PVT1: variants seen among roughly 807,000 people sequenced by gnomAD.
PVT1 encodes the protein Pvt1 oncogene.
rs532921322 is a variant in PVT1, at chr8:127,867,862, T to C, written n.373-22727T>C. On this transcript the variant is annotated intron_variant and non_coding_transcript_variant, in intron 2 of 10. Transcript: ENST00000651587. ...CCTCTGCCCCCTAATAAAATCACTG[T>C]TGCTGCCTCCTGCTGAATCTGAAGT... Among the ~76,000 whole-genome samples the C allele has an allele frequency of 4.2e-4, 64 of 152,268 alleles. 1 individual carries two copies. The South Asian group carries it at 7.1e-3, about 17-fold the overall frequency.
chr8:127,978,630 C>G (rs1014067782), intron 3 of PVT1, among the ~76,000 whole-genome samples: 2 of 151,898 alleles, frequency 1.3e-5, no homozygotes, highest in Non-Finnish European at 2.9e-5. Flanking sequence ...ATTACAGGCA[C>G]GTGCCACCAC....
chr8:127,978,523 C>T (rs1816847837), intron 3 of PVT1, among the ~76,000 whole-genome samples: 1 of 151,874 alleles, frequency 6.6e-6, no homozygotes, highest in South Asian at 2.1e-4. Flanking sequence ...CTCTGTTGCC[C>T]AGGCTGGAGT....
chr8:127,895,225 C>T (rs1815660494), intron 3 of PVT1, among the ~76,000 whole-genome samples: 1 of 152,210 alleles, frequency 6.6e-6, no homozygotes, highest in Admixed American at 6.5e-5. Context: ...AATCCCAGCA[C>T]TTTGGGAGGC....
intron 2 of PVT1, among the ~76,000 whole-genome samples, chr8:127,857,828 C>T (rs901641934): frequency 7.2e-5 from 11 of 152,172 alleles, no homozygotes; most frequent in African/African-American, 1.2e-4. Flanking sequence ...AAATATTGGT[C>T]GAATGAATGA....
At chr8:128,005,604 C>T (rs114179654) in intron 4 of PVT1, among the ~76,000 whole-genome samples, 1,705 of 152,248 alleles carry the variant, frequency 0.011, 26 homozygotes, top group African/African-American at 0.039. Context: ...CCTCTGCATC[C>T]GGATGCATCC....
intron 3 of PVT1, among the ~76,000 whole-genome samples, chr8:127,930,417 C>T (rs1816191626): frequency 6.6e-6 from 1 of 152,162 alleles, no homozygotes. Flanking sequence ...CCTCGGCCTC[C>T]CAAAGTGCTG....
chr8:127,949,622 G>A (rs1280927967), intron 3 of PVT1, among the ~76,000 whole-genome samples: 3 of 151,840 alleles, frequency 2.0e-5, no homozygotes, highest in Middle Eastern at 3.4e-3. Context: ...CAGACCTGCC[G>A]TGCTATACTA....
At chr8:127,969,267 A>G (rs1277871734) in intron 3 of PVT1, among the ~76,000 whole-genome samples, 1 of 152,092 alleles carries the variant, frequency 6.6e-6, no homozygotes, top group East Asian at 1.9e-4. Flanking sequence ...AAATCTGGTA[A>G]TCCAAGCCTC....
chr8:128,033,637 G>T lies in PVT1; in HGVS notation n.913-36523G>T, dbSNP rs190080331. ...AATGAGGCCTTTGAGCCATAAATTGGCCATAGTGTGCAGGCTGGGGCCTCA... is the reference window on the plus strand; with the variant it reads ...AATGAGGCCTTTGAGCCATAAATTGTCCATAGTGTGCAGGCTGGGGCCTCA... On this transcript the variant is annotated intron_variant and non_coding_transcript_variant, in intron 4 of 10. Transcript: ENST00000651587. 2.0e-4 allele frequency among the ~76,000 whole-genome samples: 30 copies of T among 152,318 alleles called. No homozygotes were observed. In the Middle Eastern group the frequency reaches 0.01, roughly 52 times the overall value.
intron 3 of PVT1, among the ~76,000 whole-genome samples, chr8:127,937,570 C>CAGAG (rs1205346378): frequency 3.8e-5 from 4 of 104,992 alleles, no homozygotes; most frequent in Non-Finnish European, 8.6e-5. Context: ...CACACACACA[C>CAGAG]ACACACACAC....
intron 3 of PVT1, among the ~76,000 whole-genome samples, chr8:127,970,714 T>C (rs1244644961): frequency 2.0e-5 from 3 of 151,876 alleles, no homozygotes; most frequent in African/African-American, 7.3e-5. Context: ...TAGGGTTAAA[T>C]AAAGCTATGT....
At chr8:128,025,924 A>G (rs1253940358) in intron 4 of PVT1, among the ~76,000 whole-genome samples, 1 of 151,350 alleles carries the variant, frequency 6.6e-6, no homozygotes, top group Non-Finnish European at 1.5e-5. Context: ...ACTGGAGCCC[A>G]GATCTTCCTT....
chr8:128,098,681 T>C (rs1156592052), intron 6 of PVT1, among the ~76,000 whole-genome samples: 1 of 152,232 alleles, frequency 6.6e-6, no homozygotes, highest in Admixed American at 6.5e-5. Flanking sequence ...CCTGGCACTT[T>C]GTAAGCACTC....
intron 6 of PVT1, among the ~76,000 whole-genome samples, chr8:128,097,202 A>G (rs1190148977): frequency 6.6e-6 from 1 of 152,214 alleles, no homozygotes; most frequent in Non-Finnish European, 1.5e-5. Context: ...CTCTACTAAA[A>G]ATACAAAAAT....
chr8:127,804,914 A>G (rs1181283336), intron 2 of PVT1, among the ~76,000 whole-genome samples: 1 of 144,686 alleles, frequency 6.9e-6, no homozygotes. Flanking sequence ...TATTATATGC[A>G]CTTTGTCCAT....
chr8:128,060,296 C>T (rs1813815227), intron 4 of PVT1, among the ~76,000 whole-genome samples: 1 of 152,120 alleles, frequency 6.6e-6, no homozygotes, highest in Non-Finnish European at 1.5e-5. Flanking sequence ...CCTCAAAGTT[C>T]TTGGTCTCGC....
At chr8:127,984,866 T>C (rs913002016) in intron 3 of PVT1, among the ~76,000 whole-genome samples, 2 of 69,962 alleles carry the variant, frequency 2.9e-5, no homozygotes, top group Non-Finnish European at 6.0e-5. Flanking sequence ...TCTTTCTTTC[T>C]TTCTTTCTTT....
At position 127,937,864 on chromosome 8, in the gene PVT1, A is replaced by G. The variant is rs551335436; in HGVS notation, n.782+46866A>G. 1.4e-4 allele frequency among the ~76,000 whole-genome samples: 21 copies of G among 152,274 alleles called. No homozygotes were observed. In the South Asian group the frequency reaches 4.4e-3, roughly 32 times the overall value. On this transcript the variant is annotated intron_variant and non_coding_transcript_variant, in intron 3 of 10. Coordinates refer to ENST00000651587, the Ensembl canonical transcript of PVT1. Reference sequence around the variant, plus strand: ...AACCCAAGTCTCAGAGAGGGAAGACATTTTTTAGTCTCACTGCGAAAGTAA... The same window carrying G: ...AACCCAAGTCTCAGAGAGGGAAGACGTTTTTTAGTCTCACTGCGAAAGTAA...
intron 4 of PVT1, among the ~76,000 whole-genome samples, chr8:128,018,139 T>C (rs1817394775): frequency 6.6e-6 from 1 of 152,238 alleles, no homozygotes; most frequent in Non-Finnish European, 1.5e-5. Context: ...CAGAATTCTT[T>C]CTTCAGCCAT....
Sources: allele counts gnomAD v4.1 joint callset (sites outside exome capture counted in the v4.1 genomes callset), GRCh38; gene constraint gnomAD v4.1.1; transcripts MANE v1.5; gene names NCBI Gene and HGNC (gene_info 2026-07-23, HGNC 2026-07-21).